ASMT: variants seen among roughly 807,000 people sequenced by gnomAD.
ASMT encodes the protein acetylserotonin N-methyltransferase.
A neutral mutation model predicts 41.3 loss-of-function variants in ASMT; 53 were observed. The ratio of observed to expected loss-of-function variants is 1.28; its 90% CI spans 1.03 to 1.61. ASMT has a LOEUF of 1.61. Among genes scored for constraint, ASMT ranks in the 40% most tolerant of loss-of-function variants. The probability of loss-of-function intolerance (pLI) is 0.00; values close to 1 mark genes in which losing one functional copy is unlikely to be tolerated. For missense variants in ASMT, 531 were observed against 441.3 expected (o/e 1.20, Z -1.82); for synonymous variants, 231 against 184.8 (o/e 1.25, Z -2.03).
chrX:1,620,131 G>A (rs1934285910), intron 1 of ASMT, among the ~76,000 whole-genome samples: 1 of 147,802 alleles, frequency 6.8e-6, no homozygotes, highest in Non-Finnish European at 1.5e-5. Context: ...AAAGAAAAAG[G>A]TTAATACAAC....
intron 7 of ASMT, among the ~76,000 whole-genome samples, chrX:1,635,616 CT>C (rs1353386313): frequency 1.3e-5 from 2 of 151,960 alleles, no homozygotes; most frequent in Admixed American, 1.3e-4. Flanking sequence ...AATCCCAGCA[CT>C]TTGGGAGGCC....
rs375985006 is a variant in ASMT at position 1,629,326 on chromosome X, G to A, written c.444-495G>A. ...GGACAGGAGGAGAGAGGGAGCTGTGGGGGGGGAGGAGCAGGAAATGCTTCC... is the reference window on the plus strand; with the variant it reads ...GGACAGGAGGAGAGAGGGAGCTGTGAGGGGGGAGGAGCAGGAAATGCTTCC... On this transcript the variant is annotated intron_variant, in intron 4 of 8. Coordinates refer to ENST00000381241, the MANE Select transcript of ASMT (RefSeq NM_001171038.2). Among the ~76,000 whole-genome samples the A allele has an allele frequency of 1.2e-4, 18 of 152,066 alleles. No individual in the cohort carries two copies. In the East Asian group the frequency reaches 2.5e-3, roughly 21 times the overall value.
At chrX:1,615,408 C>A (rs745746967) in intron 1 of ASMT, 140 bp downstream of exon 1, 4 of 884,480 alleles carry the variant, frequency 4.5e-6, no homozygotes, top group Non-Finnish European at 7.4e-6. Flanking sequence ...CGTACACCCA[C>A]GATGTAGCCT....
chrX:1,624,227 G>A, intron 2 of ASMT, 42 bp from the exon 3 acceptor site: 1 of 1,613,482 alleles, frequency 6.2e-7, no homozygotes, highest in Non-Finnish European at 8.5e-7. Flanking sequence ...CAGGAACTCG[G>A]AATCTCACTG....
At chrX:1,636,281 A>G (rs1392579398) in intron 7 of ASMT, 157 bp from the exon 8 acceptor site, 3 of 1,100,258 alleles carry the variant, frequency 2.7e-6, no homozygotes, top group Non-Finnish European at 4.2e-6. Flanking sequence ...TCTTTCTCCT[A>G]AGCCTTTTTG....
intron 3 of ASMT, among the ~76,000 whole-genome samples, chrX:1,626,953 G>C (rs28784985): frequency 0.7 from 105,035 of 149,440 alleles, 35,688 homozygotes; most frequent in East Asian, 0.82. Context: ...CGCTTGAACC[G>C]AGGAGGTGGA....
At chrX:1,616,601 C>G (rs1289366352) in intron 1 of ASMT, among the ~76,000 whole-genome samples, 2 of 151,384 alleles carry the variant, frequency 1.3e-5, no homozygotes, top group Non-Finnish European at 3.0e-5. Flanking sequence ...CCGGGCTCAG[C>G]GGTGACACCT....
chrX:1,632,965 C>A (rs1168334521), intron 6 of ASMT, 178 bp downstream of exon 6: 1 of 181,238 alleles, frequency 5.5e-6, no homozygotes, highest in African/African-American at 2.4e-5. Context: ...ACCTATGTAA[C>A]AAAACCGCAT....
At chrX:1,636,287 T>C in intron 7 of ASMT, 151 bp from the exon 8 acceptor site, 2 of 1,166,206 alleles carry the variant, frequency 1.7e-6, no homozygotes, top group Non-Finnish European at 2.6e-6. Flanking sequence ...TCCTAAGCCT[T>C]TTTGTTTTCT....
chrX:1,636,644 A>G (rs1934977568), intron 8 of ASMT, 84 bp downstream of exon 8: 2 of 1,607,714 alleles, frequency 1.2e-6, no homozygotes, highest in Non-Finnish European at 1.7e-6. Context: ...CAGGCACTGA[A>G]ATCATCCCAC....
At chrX:1,633,915 G>C (rs1934867529) in intron 7 of ASMT, among the ~76,000 whole-genome samples, 2 of 151,722 alleles carry the variant, frequency 1.3e-5, no homozygotes, top group African/African-American at 4.9e-5. Flanking sequence ...TGGGATTACA[G>C]GTGTGAACCA....
In ASMT at chrX:1,633,285, A is replaced by T; in HGVS notation, c.782A>T (p.Gln261Leu). Residue 261 changes from glutamine to leucine, a missense_variant, in exon 7 of 9, where the codon CAG (glutamine) becomes CTG (leucine). Transcript: ENST00000381241. ...CAGGAGGAAGAACAGATTGACTTCC[A>T]GGAAGGTGTGTTTGTGTCCGTGGGG... ...SFQEEEQIDF[Q>L]EGDFFKDPLP... 1 of 1,613,914 alleles carries T rather than the reference A, an allele frequency of 6.2e-7. No individual in the cohort carries two copies. The highest frequency in any genetic ancestry group is 8.5e-7 in the Non-Finnish European group (1 of 1,179,840).
Position 1,641,355 on chromosome X carries a change from G to C in ASMT, c.911-1448G>C, listed in dbSNP as rs779760798. Reference sequence around the variant, plus strand: ...CCATTAGGATGTGGACACAGCCTCTGTGTGTGTGATAGGGACCATGTCCCA... The same window carrying C: ...CCATTAGGATGTGGACACAGCCTCTCTGTGTGTGATAGGGACCATGTCCCA... On this transcript the variant is annotated intron_variant, in intron 8 of 8. Coordinates refer to ENST00000381241, the MANE Select transcript of ASMT (RefSeq NM_001171038.2). 1.0e-2 allele frequency among the ~76,000 whole-genome samples: 1,018 copies of C among 102,222 alleles called. 178 individuals carry two copies. The highest frequency in any genetic ancestry group is 0.015 in the Admixed American group (129 of 8,616). The allele number at this position is 102,222 out of a possible 152,430, so 67.1% of individuals were successfully genotyped here.
chrX:1,636,630 A>G, intron 8 of ASMT, 70 bp downstream of exon 8: 1 of 1,611,950 alleles, frequency 6.2e-7, no homozygotes, highest in Non-Finnish European at 8.5e-7. Flanking sequence ...TCACATTTAG[A>G]AGGCAGGCAC....
intron 1 of ASMT, among the ~76,000 whole-genome samples, chrX:1,618,651 G>T (rs1471790057): frequency 6.6e-6 from 1 of 152,002 alleles, no homozygotes; most frequent in Non-Finnish European, 1.5e-5. Flanking sequence ...TGTCCAGGCT[G>T]GTCTCGAACT....
At chrX:1,636,313 G>A (rs1934960579) in intron 7 of ASMT, 125 bp from the exon 8 acceptor site, 1 of 1,402,398 alleles carries the variant, frequency 7.1e-7, no homozygotes, top group Non-Finnish European at 1.0e-6. Context: ...TAGGTCTGCA[G>A]GTGACTAGCC....
At chrX:1,629,449 C>G (rs1406380565) in intron 4 of ASMT, among the ~76,000 whole-genome samples, 1 of 152,196 alleles carries the variant, frequency 6.6e-6, no homozygotes, top group Non-Finnish European at 1.5e-5. Flanking sequence ...TAGCCTCTTC[C>G]CCAGGATGTG....
In ASMT at chrX:1,636,535, G is replaced by A. The variant is rs1313019948; in HGVS notation, c.885G>A (p.Glu295=). 1.2e-6 allele frequency: 2 copies of A among 1,613,484 alleles called. No homozygotes were observed. Among genetic ancestry groups the A allele is most frequent in the African/African-American group, 2.7e-5 (2 of 74,726 alleles). ...WADGKCSHLL[E]RIYHTCKPGG... ...ACGGAAAGTGCTCACACCTGCTGGA[G>A]AGGATCTACCACACTTGCAAGCCAG... The change falls in exon 8 of 9, where the codon GAG becomes GAA. Residue 295 remains glutamate, a synonymous_variant. Transcript: ENST00000381241.
At chrX:1,627,867 C>T in intron 4 of ASMT, 96 bp downstream of exon 4, 1 of 1,152,054 alleles carries the variant, frequency 8.7e-7, no homozygotes, top group Non-Finnish European at 1.3e-6. Flanking sequence ...AATGGCACAA[C>T]CCAGGAGGAA....
Sources: gnomAD v4.1 joint callset for allele counts (sites outside exome capture counted in the v4.1 genomes callset) on GRCh38, gnomAD v4.1.1 for gene constraint, MANE v1.5 for transcripts, NCBI Gene and HGNC (gene_info 2026-07-23, HGNC 2026-07-21) for gene names.